The following ERC1 variants were observed in gnomAD, a reference collection of about 807,000 sequenced individuals.
ERC1 encodes the protein RAB6 interacting protein 2.
Under a neutral mutation model 132.0 loss-of-function variants are expected in ERC1, and 56 were observed. The ratio of observed to expected loss-of-function variants is 0.42; its 90% CI spans 0.34 to 0.53. The LOEUF is 0.53. Ranked by LOEUF, ERC1 falls within the 20% of genes least tolerant of loss-of-function variation. ERC1 has a pLI of 0.03. For synonymous variants in ERC1, 478 were observed against 476.1 expected, an observed-to-expected ratio of 1.00 and a Z score of -0.05; for missense variants, 1,202 against 1,349.9, an observed-to-expected ratio of 0.89 and a Z score of 1.72.
chr12:1,120,685 C>T (rs891853309), intron 7 of ERC1, among the ~76,000 whole-genome samples: 3 of 152,300 alleles, frequency 2.0e-5, no homozygotes, highest in African/African-American at 7.2e-5. Context: ...TAATGTACAC[C>T]TTACTGCTTC....
intron 12 of ERC1, among the ~76,000 whole-genome samples, chr12:1,202,572 A>G (rs1957011662): frequency 6.6e-6 from 1 of 152,106 alleles, no homozygotes; most frequent in Admixed American, 6.5e-5. Context: ...TGGGAGGATC[A>G]CTTGAGTCTG....
chr12:1,476,234 C>T (rs1444652132), intron 18 of ERC1, among the ~76,000 whole-genome samples: 4 of 149,806 alleles, frequency 2.7e-5, no homozygotes, highest in African/African-American at 4.9e-5. Flanking sequence ...CCAGCCAGGG[C>T]GACGGAGCAA....
chr12:1,173,491 G>C (rs924648531), intron 8 of ERC1, among the ~76,000 whole-genome samples: 17 of 152,140 alleles, frequency 1.1e-4, no homozygotes, highest in Non-Finnish European at 1.0e-4. Flanking sequence ...TCTGCTAAAC[G>C]TGATTCTGAA....
intron 2 of ERC1, among the ~76,000 whole-genome samples, chr12:1,065,571 G>A (rs1939000253): frequency 1.7e-5 from 2 of 116,452 alleles, no homozygotes; most frequent in South Asian, 6.9e-4. Context: ...TTTTTTTCAG[G>A]CATTTCAGAG....
intron 5 of ERC1, 124 bp from the exon 6 acceptor site, chr12:1,112,091 G>A: frequency 1.5e-6 from 1 of 653,438 alleles, no homozygotes; most frequent in Admixed American, 2.4e-5. Context: ...AGGGAATGAG[G>A]GGAACAGATT....
At position 1,078,968 on chromosome 12, in the gene ERC1, A is replaced by G. The variant is rs148489626; in HGVS notation, c.670-4196A>G. 2.7e-3 allele frequency among the ~76,000 whole-genome samples: 416 copies of G among 152,162 alleles called. 2 individuals carry two copies. The highest frequency in any genetic ancestry group is 7.1e-3 in the Middle Eastern group (2 of 282). Reference sequence around the variant, plus strand: ...ATGATTTGTAATATGACAAAAGTCAATATACAAAGATACAGATAGAAATGA... The same window carrying G: ...ATGATTTGTAATATGACAAAAGTCAGTATACAAAGATACAGATAGAAATGA... On this transcript the variant is annotated intron_variant, in intron 2 of 18. Transcript: ENST00000360905.
intron 7 of ERC1, among the ~76,000 whole-genome samples, chr12:1,127,342 C>A (rs1948300435): frequency 1.3e-5 from 2 of 152,038 alleles, no homozygotes; most frequent in Admixed American, 1.3e-4. Flanking sequence ...AGGATGTTCA[C>A]CACAGTATTA....
At chr12:1,123,110 TAAG>T (rs1241902322) in intron 7 of ERC1, among the ~76,000 whole-genome samples, 1 of 152,108 alleles carries the variant, frequency 6.6e-6, no homozygotes, top group Non-Finnish European at 1.5e-5. Context: ...CTGATAAGCT[TAAG>T]AAGTTACATT....
intron 2 of ERC1, among the ~76,000 whole-genome samples, chr12:1,079,047 A>G: frequency 6.6e-6 from 1 of 151,696 alleles, no homozygotes; most frequent in Non-Finnish European, 1.5e-5. Context: ...GATTTGTAAT[A>G]TGACAAAAGT....
chr12:1,322,124 G>A (rs972913514), intron 15 of ERC1, among the ~76,000 whole-genome samples: 3 of 142,462 alleles, frequency 2.1e-5, no homozygotes, highest in Non-Finnish European at 3.1e-5. Context: ...TCGTGCTCAC[G>A]CAGGATTATA....
Position 1,400,953 on chromosome 12 carries a change from T to TTTTG in ERC1, c.2926-7196_2926-7195insTTTG, listed in dbSNP as rs1477365626. On this transcript the variant is annotated intron_variant, in intron 16 of 18. Coordinates refer to ENST00000360905, the MANE Select transcript of ERC1 (RefSeq NM_178040.4). ...TTTTTTTTTTTTTTTTTTTTTTTTT[T>TTTTG]GTGACGGAGTCTTGCTCTATCGCCC... 4.9e-4 allele frequency among the ~76,000 whole-genome samples: 44 copies of TTTTG among 90,338 alleles called. 6 individuals carry two copies. Among genetic ancestry groups the TTTTG allele is most frequent in the Non-Finnish European group, 7.4e-4 (31 of 42,174 alleles). 59.3% of individuals were successfully genotyped at this position (90,338 alleles called of 152,430 possible). A position where few individuals can be genotyped will look rare whatever the true frequency, so the allele number is the denominator to read the frequency against.
At chr12:1,440,880 A>G (rs891209074) in intron 17 of ERC1, among the ~76,000 whole-genome samples, 4 of 150,964 alleles carry the variant, frequency 2.6e-5, no homozygotes, top group Non-Finnish European at 4.4e-5. Context: ...TCCTGTCCCC[A>G]AGTGATCCAC....
chr12:1,236,985 ATCC>A (rs2075459881), intron 13 of ERC1, 81 bp downstream of exon 13: 9 of 1,519,234 alleles, frequency 5.9e-6, no homozygotes, highest in Non-Finnish European at 8.1e-6. Context: ...CTTCATCTTT[ATCC>A]TCCTCTTTTT....
rs1971387372 is a variant in ERC1 at position 1,048,231 on chromosome 12, T to C, written c.669+19659T>C. 3.3e-5 allele frequency among the ~76,000 whole-genome samples: 5 copies of C among 152,204 alleles called. No homozygotes were observed. In the South Asian group the frequency reaches 1.0e-3, roughly 32 times the overall value. On this transcript the variant is annotated intron_variant, in intron 2 of 18. Coordinates refer to ENST00000360905, the MANE Select transcript of ERC1 (RefSeq NM_178040.4). ...TATGGTATTAGTAGAATTACAGTGTTAGTGGTTTTTCTTCCTCTTCCCATT... is the reference window on the plus strand; with the variant it reads ...TATGGTATTAGTAGAATTACAGTGTCAGTGGTTTTTCTTCCTCTTCCCATT...
chr12:1,268,935 T>G (rs1330013640), intron 14 of ERC1, among the ~76,000 whole-genome samples: 3 of 151,974 alleles, frequency 2.0e-5, no homozygotes, highest in Non-Finnish European at 4.4e-5. Context: ...GAGAAAAAGA[T>G]GAGAGAGTAA....
intron 4 of ERC1, among the ~76,000 whole-genome samples, chr12:1,107,078 C>G (rs1945343197): frequency 6.6e-6 from 1 of 152,134 alleles, no homozygotes; most frequent in African/African-American, 2.4e-5. Flanking sequence ...TTTCTTTGCC[C>G]TCTCCTCTTT....
intron 15 of ERC1, among the ~76,000 whole-genome samples, chr12:1,355,329 T>G (rs1015237548): frequency 6.6e-6 from 1 of 152,244 alleles, no homozygotes. Context: ...ATTTTCTTTT[T>G]TTTCAACCAT....
chr12:1,272,990 A>C (rs922992736), intron 14 of ERC1, among the ~76,000 whole-genome samples: 11 of 151,310 alleles, frequency 7.3e-5, no homozygotes, highest in Non-Finnish European at 1.0e-4. Context: ...TAGCTTTAGT[A>C]AACTGCTAGA....
At chr12:1,268,526 A>G (rs887147439) in intron 14 of ERC1, among the ~76,000 whole-genome samples, 5 of 152,204 alleles carry the variant, frequency 3.3e-5, no homozygotes, top group Non-Finnish European at 7.4e-5. Flanking sequence ...ACAGAGCTTT[A>G]GGAACAGAGG....
Sources: gnomAD v4.1 joint callset for allele counts (sites outside exome capture counted in the v4.1 genomes callset) on GRCh38, gnomAD v4.1.1 for gene constraint, MANE v1.5 for transcripts, NCBI Gene and HGNC (gene_info 2026-07-23, HGNC 2026-07-21) for gene names.